The following DNAAF11 variants were observed in gnomAD, a reference collection of about 807,000 sequenced individuals.
The protein encoded by DNAAF11 is dynein axonemal assembly factor 11.
Under a neutral mutation model 60.8 loss-of-function variants are expected in DNAAF11, and 45 were observed. That is an observed-to-expected ratio of 0.74 (90% CI 0.58 to 0.95). The LOEUF is 0.95. Among genes scored for constraint, DNAAF11 ranks in the 40% least tolerant of loss-of-function variants. The pLI is 0.00. For synonymous variants in DNAAF11, 191 were observed against 183.5 expected, an observed-to-expected ratio of 1.04 and a Z score of -0.33; for missense variants, 546 against 546.2, an observed-to-expected ratio of 1.00 and a Z score of 0.00.
At chr8:132,702,859 C>T in the DNAAF11 span, among the ~76,000 whole-genome samples, 1 of 152,176 alleles carries the variant, frequency 6.6e-6, no homozygotes, top group African/African-American at 2.4e-5. Context: ...TACTGCGATG[C>T]TACTCTTCGA....
intron 11 of DNAAF11, among the ~76,000 whole-genome samples, chr8:132,582,712 A>G (rs553172124): frequency 6.6e-6 from 1 of 152,344 alleles, no homozygotes; most frequent in South Asian, 2.1e-4. Flanking sequence ...CTTTGAATAT[A>G]CCAATGCCTG....
chr8:132,635,574 C>T (rs1309782138), intron 4 of DNAAF11, among the ~76,000 whole-genome samples: 1 of 152,146 alleles, frequency 6.6e-6, no homozygotes, highest in Non-Finnish European at 1.5e-5. Flanking sequence ...CACACCTCTT[C>T]TATGTGACTA....
upstream of DNAAF11, chr8:132,675,612 G>A: frequency 8.9e-7 from 1 of 1,120,514 alleles, no homozygotes; most frequent in Non-Finnish European, 1.2e-6. Flanking sequence ...TGGCAACGGG[G>A]ACTCTACGGC....
intron 3 of DNAAF11, among the ~76,000 whole-genome samples, chr8:132,646,486 A>T (rs1360957905): frequency 6.6e-6 from 1 of 152,214 alleles, no homozygotes; most frequent in Non-Finnish European, 1.5e-5. Context: ...TCACACAACA[A>T]TATTAGCCTT....
chr8:132,580,504 T>G (rs1815212160), intron 11 of DNAAF11, among the ~76,000 whole-genome samples: 1 of 152,214 alleles, frequency 6.6e-6, no homozygotes. Context: ...GCCACCGAAT[T>G]GTACACTTTT....
chr8:132,588,483 A>G (rs1488988041), intron 10 of DNAAF11, among the ~76,000 whole-genome samples: 1 of 152,220 alleles, frequency 6.6e-6, no homozygotes, highest in African/African-American at 2.4e-5. Context: ...TTATATGCCA[A>G]GCATAGGACT....
the DNAAF11 span, among the ~76,000 whole-genome samples, chr8:132,694,946 G>A: frequency 6.6e-6 from 1 of 152,152 alleles, no homozygotes; most frequent in African/African-American, 2.4e-5. Context: ...TACCAAAAGA[G>A]ATATAAAATG....
rs1192321435 is a variant in DNAAF11 at position 132,622,638 on chromosome 8, C to T, written c.887G>A (p.Gly296Glu). ...KPPRTLITEDGKALNVNEPKI... is the reference protein window; with the variant it reads ...KPPRTLITEDEKALNVNEPKI... ...GGGCTCATTCACATTTAGGGCTTTC[C>T]CATCTTCAGTGATCAAAGTCCTGGG... is the stretch of plus-strand genomic sequence containing the variant. Residue 296 changes from glycine to glutamate, a missense_variant, in exon 7 of 12, where the codon GGG becomes GAG. Transcript: ENST00000620350. 2 of 1,613,676 alleles carry T rather than the reference C, an allele frequency of 1.2e-6. No homozygotes were observed. The highest frequency in any genetic ancestry group is 1.7e-6 in the Non-Finnish European group (2 of 1,179,836).
chr8:132,637,897 AT>A, intron 4 of DNAAF11, 37 bp downstream of exon 4: 1 of 1,552,638 alleles, frequency 6.4e-7, no homozygotes, highest in East Asian at 2.3e-5. Context: ...GCTCATGCTC[AT>A]TTATCTGTGA....
chr8:132,625,893 GA>G (rs1340836909), intron 5 of DNAAF11, among the ~76,000 whole-genome samples: 4 of 152,118 alleles, frequency 2.6e-5, no homozygotes, highest in Non-Finnish European at 5.9e-5. Flanking sequence ...GATCAGACAA[GA>G]AATCACCCCA....
intron 10 of DNAAF11, 115 bp downstream of exon 10, chr8:132,610,051 G>A: frequency 1.5e-6 from 1 of 659,722 alleles, no homozygotes; most frequent in Non-Finnish European, 2.7e-6. Context: ...GAGATTTCCT[G>A]GTGCTCCCAA....
At position 132,590,425 on chromosome 8, in the gene DNAAF11, T is replaced by C. The variant is rs146373041; in HGVS notation, c.1141-6646A>G. On this transcript the variant is annotated intron_variant, in intron 10 of 11. Coordinates refer to ENST00000620350, the MANE Select transcript of DNAAF11 (RefSeq NM_012472.6). ...CCTCTGTCCCAGGAATAGTGGTAAC[T>C]TCCTGATGGTACACATTTTTTCCTT... is the stretch of plus-strand genomic sequence containing the variant. 3.9e-3 allele frequency among the ~76,000 whole-genome samples: 587 copies of C among 152,356 alleles called. 11 individuals are homozygous for C. Among genetic ancestry groups the C allele is most frequent in the African/African-American group, 0.014 (569 of 41,580 alleles).
chr8:132,699,520 A>G, the DNAAF11 span, among the ~76,000 whole-genome samples: 1 of 152,172 alleles, frequency 6.6e-6, no homozygotes, highest in African/African-American at 2.4e-5. Context: ...AGCCTGGAAG[A>G]GTGAAAAGAG....
rs553079625 is a variant in DNAAF11, at chr8:132,593,603, T to C, written c.1141-9824A>G. Among the ~76,000 whole-genome samples the C allele has an allele frequency of 7.3e-5, 11 of 151,564 alleles. No individual in the cohort carries two copies. In the East Asian group the frequency reaches 1.7e-3, roughly 24 times the overall value. On this transcript the variant is annotated intron_variant, in intron 10 of 11. Transcript: ENST00000620350. The stretch of plus-strand genomic sequence containing the variant: ...TAAATTTATATATAAATACAAATAA[T>C]AGACAAAATGATCATCAAAAAGAAA...
chr8:132,621,409 G>C (rs775525744), intron 7 of DNAAF11, among the ~76,000 whole-genome samples: 1 of 152,170 alleles, frequency 6.6e-6, no homozygotes, highest in African/African-American at 2.4e-5. Context: ...AGGAACAGGG[G>C]ATGATCACAT....
intron 10 of DNAAF11, among the ~76,000 whole-genome samples, chr8:132,602,243 C>T (rs1817704106): frequency 1.3e-5 from 2 of 152,058 alleles, no homozygotes; most frequent in South Asian, 4.1e-4. Context: ...ACATTTCATG[C>T]TTGACTATTG....
intron 11 of DNAAF11, among the ~76,000 whole-genome samples, chr8:132,580,559 A>C (rs1336534898): frequency 1.3e-5 from 2 of 152,248 alleles, no homozygotes; most frequent in African/African-American, 4.8e-5. Context: ...ACTTTACCAC[A>C]ATGAAAAAGT....
At chr8:132,669,506 T>G (rs1824965805) in intron 1 of DNAAF11, among the ~76,000 whole-genome samples, 1 of 152,186 alleles carries the variant, frequency 6.6e-6, no homozygotes, top group African/African-American at 2.4e-5. Context: ...AGGACAATTA[T>G]ATTGTATTGT....
At chr8:132,609,383 A>G (rs1421390566) in intron 10 of DNAAF11, among the ~76,000 whole-genome samples, 2 of 151,440 alleles carry the variant, frequency 1.3e-5, no homozygotes, top group Non-Finnish European at 2.9e-5. Flanking sequence ...TGTTCAGTAT[A>G]GACACACTTC....
Sources: allele counts gnomAD v4.1 joint callset (sites outside exome capture counted in the v4.1 genomes callset), GRCh38; gene constraint gnomAD v4.1.1; transcripts MANE v1.5; gene names NCBI Gene and HGNC (gene_info 2026-07-23, HGNC 2026-07-21).